GALNTL6: variants seen among roughly 807,000 people sequenced by gnomAD.
GALNTL6 encodes the protein polypeptide N-acetylgalactosaminyltransferase-like 6.
In GALNTL6, 46 loss-of-function variants were observed where a neutral mutation model predicts 73.7. That is an observed-to-expected ratio of 0.62 (90% confidence interval 0.49 to 0.80). GALNTL6 has a LOEUF of 0.80. GALNTL6 is among the 30% of genes least tolerant of loss of function. The pLI, the probability that GALNTL6 is intolerant of heterozygous loss-of-function variation, is 0.00. For missense variants in GALNTL6, 604 were observed against 755.0 expected, an observed-to-expected ratio of 0.80 and a Z score of 2.34; for synonymous variants, 259 against 263.7, an observed-to-expected ratio of 0.98 and a Z score of 0.17.
At chr4:172,951,251 C>T (rs1304229133) in intron 9 of GALNTL6, among the ~76,000 whole-genome samples, 1 of 152,206 alleles carries the variant, frequency 6.6e-6, no homozygotes, top group African/African-American at 2.4e-5. Flanking sequence ...CAGGTATGTG[C>T]TACTGTTGCC....
At chr4:172,009,193 C>A (rs1224417048) in intron 2 of GALNTL6, among the ~76,000 whole-genome samples, 1 of 151,960 alleles carries the variant, frequency 6.6e-6, no homozygotes, top group Admixed American at 6.6e-5. Context: ...TATTATTATG[C>A]CCATTTTACA....
At chr4:172,516,953 C>G (rs1734628438) in intron 5 of GALNTL6, among the ~76,000 whole-genome samples, 1 of 152,022 alleles carries the variant, frequency 6.6e-6, no homozygotes, top group Admixed American at 6.6e-5. Flanking sequence ...CTACATGATT[C>G]CACTTATGTG....
intron 8 of GALNTL6, among the ~76,000 whole-genome samples, chr4:172,902,476 A>G (rs1031287204): frequency 2.4e-4 from 36 of 152,140 alleles, no homozygotes; most frequent in African/African-American, 8.4e-4. Flanking sequence ...TCTGGTTTCC[A>G]CTGCCCTTTT....
chr4:172,801,625 T>C (rs535816515), intron 5 of GALNTL6, among the ~76,000 whole-genome samples: 127 of 152,324 alleles, frequency 8.3e-4, no homozygotes, highest in African/African-American at 2.9e-3. Context: ...GGTCTGGGGC[T>C]GTTTACTACT....
At position 173,021,759 on chromosome 4, in the gene GALNTL6, C is replaced by T. The variant is rs145254771; in HGVS notation, c.1638+134C>T. On this transcript the variant is annotated intron_variant, in intron 12 of 12. Coordinates refer to ENST00000506823, the MANE Select transcript of GALNTL6 (RefSeq NM_001034845.3). The stretch of plus-strand genomic sequence containing the variant: ...CTGTAATCCTGGCACTCTGGGAGGT[C>T]GAGGTGGGCAGATCACCTGAGGTTG... 170 of 859,790 alleles carry T rather than the reference C, an allele frequency of 2.0e-4. No homozygotes were observed. The African/African-American group carries it at 2.5e-3, about 12-fold the overall frequency. 53.3% of individuals were successfully genotyped at this position (859,790 alleles called of 1,614,324 possible).
chr4:171,844,161 G>A (rs1398470392), intron 2 of GALNTL6, among the ~76,000 whole-genome samples: 9 of 152,068 alleles, frequency 5.9e-5, no homozygotes, highest in Non-Finnish European at 1.0e-4. Flanking sequence ...TTCTAAAGGT[G>A]GAATATCAAT....
chr4:172,782,422 GA>G (rs1245464374), intron 5 of GALNTL6, among the ~76,000 whole-genome samples: 1 of 152,100 alleles, frequency 6.6e-6, no homozygotes, highest in Non-Finnish European at 1.5e-5. Flanking sequence ...GAACTCTAGT[GA>G]ACTTATGATG....
intron 5 of GALNTL6, among the ~76,000 whole-genome samples, chr4:172,697,618 G>C (rs1027134483): frequency 1.3e-5 from 2 of 152,154 alleles, no homozygotes; most frequent in Non-Finnish European, 2.9e-5. Flanking sequence ...ACTGGAGGAA[G>C]GGCTTCGTCA....
intron 2 of GALNTL6, among the ~76,000 whole-genome samples, chr4:172,004,000 A>G (rs1740753731): frequency 6.6e-6 from 1 of 152,162 alleles, no homozygotes; most frequent in Non-Finnish European, 1.5e-5. Context: ...GAGAATATGA[A>G]TCAAGTTTTC....
intron 5 of GALNTL6, among the ~76,000 whole-genome samples, chr4:172,808,586 A>G (rs920973892): frequency 6.6e-6 from 1 of 152,224 alleles, no homozygotes; most frequent in African/African-American, 2.4e-5. Context: ...AAAGGCAGCA[A>G]ATGCTCTTAT....
At chr4:172,959,191 T>C (rs1019290515) in intron 10 of GALNTL6, among the ~76,000 whole-genome samples, 1 of 150,564 alleles carries the variant, frequency 6.6e-6, no homozygotes, top group African/African-American at 2.4e-5. Context: ...GAGGAGGGAG[T>C]AGAGGTGTCC....
At chr4:172,882,553 A>G (rs1286019922) in intron 7 of GALNTL6, among the ~76,000 whole-genome samples, 1 of 152,210 alleles carries the variant, frequency 6.6e-6, no homozygotes, top group East Asian at 1.9e-4. Flanking sequence ...CAATTGTTGC[A>G]TTAAAACCTG....
At chr4:171,844,975 C>A (rs1247426288) in intron 2 of GALNTL6, among the ~76,000 whole-genome samples, 1 of 152,122 alleles carries the variant, frequency 6.6e-6, no homozygotes, top group Non-Finnish European at 1.5e-5. Flanking sequence ...AGTCTCCAAC[C>A]TGTAGACATT....
intron 2 of GALNTL6, among the ~76,000 whole-genome samples, chr4:172,013,084 A>G (rs896594855): frequency 6.6e-6 from 1 of 152,102 alleles, no homozygotes; most frequent in African/African-American, 2.4e-5. Flanking sequence ...TGGGATGCTG[A>G]GTGATATTTT....
chr4:172,474,937 T>G (rs1387742614), intron 5 of GALNTL6, among the ~76,000 whole-genome samples: 1 of 152,172 alleles, frequency 6.6e-6, no homozygotes, highest in Non-Finnish European at 1.5e-5. Context: ...AAAAGGGTCT[T>G]CTGAATAAAT....
chr4:172,112,343 G>A (rs1579150800), intron 2 of GALNTL6, among the ~76,000 whole-genome samples: 1 of 152,132 alleles, frequency 6.6e-6, no homozygotes, highest in East Asian at 1.9e-4. Context: ...TACGAATAAA[G>A]CTGCTATAAA....
At chr4:172,742,979 A>G (rs751668863) in intron 5 of GALNTL6, among the ~76,000 whole-genome samples, 1 of 152,044 alleles carries the variant, frequency 6.6e-6, no homozygotes, top group South Asian at 2.1e-4. Context: ...TGATAGGTCA[A>G]ATAATCCCAA....
At chr4:173,037,747 A>ATTTTTT (rs1262218886) in intron 12 of GALNTL6, among the ~76,000 whole-genome samples, 68 of 143,622 alleles carry the variant, frequency 4.7e-4, no homozygotes, top group African/African-American at 1.7e-3. Context: ...CCACATGAGC[A>ATTTTTT]TTTTTTTTTT....
chr4:172,612,107 G>GTATA (rs1426056424), intron 5 of GALNTL6, among the ~76,000 whole-genome samples: 1 of 152,046 alleles, frequency 6.6e-6, no homozygotes, highest in Non-Finnish European at 1.5e-5. Context: ...CAGAATGTAT[G>GTATA]TAAAATGCCT....
Sources: allele counts gnomAD v4.1 joint callset (sites outside exome capture counted in the v4.1 genomes callset), GRCh38; gene constraint gnomAD v4.1.1; transcripts MANE v1.5; gene names NCBI Gene and HGNC (gene_info 2026-07-23, HGNC 2026-07-21).